PRKAA2: variants seen among roughly 807,000 people sequenced by gnomAD.
The protein encoded by PRKAA2 is 5'-AMP-activated protein kinase catalytic subunit alpha-2.
PRKAA2 carries 40 observed loss-of-function variants against 56.3 expected under a neutral mutation model. The observed-to-expected ratio is 0.71, with a 90% CI of 0.55 to 0.92. The LOEUF is 0.92. PRKAA2 is among the 40% of genes least tolerant of loss of function. The pLI, the probability that PRKAA2 is intolerant of heterozygous loss-of-function variation, is 0.00. For missense variants in PRKAA2, 542 were observed against 686.9 expected (o/e 0.79, Z 2.36); for synonymous variants, 214 against 234.2 (o/e 0.91, Z 0.79).
In PRKAA2 at chr1:56,708,019, C is replaced by G. The variant is rs796664835; in HGVS notation, c.*306C>G. 6.1e-6 allele frequency: 2 copies of G among 327,410 alleles called. No homozygotes were observed. The highest frequency in any genetic ancestry group is 7.3e-5 in the South Asian group (2 of 27,392). The allele number at this position is 327,410 out of a possible 1,614,324, so 20.3% of individuals were successfully genotyped here. A position where few individuals can be genotyped will look rare whatever the true frequency, so the allele number is the denominator to read the frequency against. On this transcript the variant is annotated 3_prime_UTR_variant, in exon 9 of 9. Coordinates refer to ENST00000371244, the MANE Select transcript of PRKAA2 (RefSeq NM_006252.4). ...ACAGACGATTAACACACCACACTGG[C>G]GAACCATCTCAATGTAAGGGTGGTT...
intron 1 of PRKAA2, among the ~76,000 whole-genome samples, chr1:56,670,450 A>G (rs1250361567): frequency 1.3e-5 from 2 of 152,192 alleles, no homozygotes; most frequent in Non-Finnish European, 2.9e-5. Flanking sequence ...TCTAGGCTTC[A>G]GGATGAAGGA....
chr1:56,690,164 CTTTTTT>C (rs35151388), intron 2 of PRKAA2, among the ~76,000 whole-genome samples: 5 of 141,256 alleles, frequency 3.5e-5, no homozygotes, highest in Non-Finnish European at 6.2e-5. Context: ...ATCATCACAT[CTTTTTT>C]TTTTTTTTTT....
rs780663398 is a variant in PRKAA2, at chr1:56,692,465, G to A, written c.438G>A (p.Leu146=). Residue 146 remains leucine, a synonymous_variant, in exon 4 of 9, where the codon CTG becomes CTA. Coordinates refer to ENST00000371244, the MANE Select transcript of PRKAA2 (RefSeq NM_006252.4). ...GAGACCTGAAACCAGAGAATGTCCT[G>A]TTGGATGCACACATGAATGCCAAGA... ...VHRDLKPENV[L]LDAHMNAKIA... 6.2e-7 allele frequency: 1 copy of A among 1,614,092 alleles called. No homozygotes were observed. Among genetic ancestry groups the A allele is most frequent in the South Asian group, 1.1e-5 (1 of 91,070 alleles).
intron 2 of PRKAA2, among the ~76,000 whole-genome samples, chr1:56,690,394 C>A (rs749598262): frequency 2.4e-4 from 37 of 152,284 alleles, no homozygotes; most frequent in Non-Finnish European, 4.3e-4. Flanking sequence ...TGGTCTCAAT[C>A]TCCTGACCTT....
intron 6 of PRKAA2, among the ~76,000 whole-genome samples, chr1:56,698,637 ATATC>A (rs1644274533): frequency 6.6e-6 from 1 of 152,136 alleles, no homozygotes; most frequent in South Asian, 2.1e-4. Flanking sequence ...CAGTTCTGTG[ATATC>A]TATCCTTTCA....
intron 2 of PRKAA2, among the ~76,000 whole-genome samples, chr1:56,678,004 C>A (rs1644126014): frequency 6.6e-6 from 1 of 152,176 alleles, no homozygotes. Flanking sequence ...TTCTTGCCTC[C>A]ATTTCTATAT....
intron 1 of PRKAA2, among the ~76,000 whole-genome samples, chr1:56,671,135 G>T (rs923610990): frequency 1.3e-5 from 2 of 152,176 alleles, no homozygotes; most frequent in African/African-American, 4.8e-5. Context: ...ATACATAGAA[G>T]AAATTCTTGA....
chr1:56,651,319 A>C (rs1643896223), intron 1 of PRKAA2, among the ~76,000 whole-genome samples: 1 of 152,226 alleles, frequency 6.6e-6, no homozygotes, highest in Admixed American at 6.5e-5. Flanking sequence ...AATTTGATTA[A>C]GTTGTTACTA....
At chr1:56,665,337 GTACTGGGAT>G (rs1214089475) in intron 1 of PRKAA2, among the ~76,000 whole-genome samples, 7 of 152,248 alleles carry the variant, frequency 4.6e-5, no homozygotes, top group Admixed American at 2.0e-4. Flanking sequence ...GCCTCCCAAA[GTACTGGGAT>G]TACAGGCTTG....
intron 1 of PRKAA2, among the ~76,000 whole-genome samples, chr1:56,657,248 G>A (rs1159777615): frequency 6.6e-6 from 1 of 152,106 alleles, no homozygotes; most frequent in African/African-American, 2.4e-5. Context: ...TCTTCAAAGG[G>A]ACAGTAATAA....
intron 2 of PRKAA2, among the ~76,000 whole-genome samples, chr1:56,689,679 C>T (rs72668319): frequency 0.029 from 4,438 of 152,042 alleles, 121 homozygotes; most frequent in East Asian, 0.12. Context: ...AGAGCATGGC[C>T]GCTGCACTCC....
In PRKAA2 at chr1:56,692,507, G is replaced by A; in HGVS notation, c.475+5G>A. The A allele has an allele frequency of 6.2e-7, 1 of 1,613,652 alleles. No individual in the cohort carries two copies. Among genetic ancestry groups the A allele is most frequent in the Non-Finnish European group, 8.5e-7 (1 of 1,179,780 alleles). ...ATGCCAAGATAGCCGATTTCGGTATGTAACTCCAGGGTTGTTCAGAAAGGT... is the reference window on the plus strand; with the variant it reads ...ATGCCAAGATAGCCGATTTCGGTATATAACTCCAGGGTTGTTCAGAAAGGT... On this transcript the variant is annotated splice_donor_5th_base_variant and intron_variant, in intron 4 of 8. Coordinates refer to ENST00000371244, the MANE Select transcript of PRKAA2 (RefSeq NM_006252.4).
Position 56,674,521 on chromosome 1 carries a change from C to A in PRKAA2, c.235C>A (p.Leu79Ile). The change falls in exon 2 of 9, where the codon CTA (leucine) becomes ATA (isoleucine). Residue 79 changes from leucine to isoleucine, a missense_variant and splice_region_variant. Transcript: ENST00000371244. Reference sequence around the variant, plus strand: ...CTTTCGTCATCCTCATATTATCAAACTGTAAGTATTTTTGTATCTAATAAT... The same window carrying A: ...CTTTCGTCATCCTCATATTATCAAAATGTAAGTATTTTTGTATCTAATAAT... ...KLFRHPHIIK[L>I]YQVISTPTDF... is the part of the protein sequence containing the mutation. The A allele has an allele frequency of 6.6e-7, 1 of 1,503,812 alleles. No individual in the cohort carries two copies. 93.2% of individuals were successfully genotyped at this position (1,503,812 alleles called of 1,614,324 possible).
intron 2 of PRKAA2, among the ~76,000 whole-genome samples, chr1:56,689,331 A>G (rs1291138169): frequency 6.6e-6 from 1 of 152,214 alleles, no homozygotes; most frequent in Non-Finnish European, 1.5e-5. Context: ...CATTTGAAAT[A>G]GTCTCAATTC....
chr1:56,698,610 A>C (rs917728312), intron 6 of PRKAA2, among the ~76,000 whole-genome samples: 1 of 152,194 alleles, frequency 6.6e-6, no homozygotes, highest in African/African-American at 2.4e-5. Flanking sequence ...CATTTATACT[A>C]TTCCAAATTG....
rs976098184 is a variant in PRKAA2, at chr1:56,714,030, A to G, written c.*6317A>G. 4 of 152,042 alleles carry G rather than the reference A, an allele frequency of 2.6e-5. No homozygotes were observed. Among genetic ancestry groups the G allele is most frequent in the Non-Finnish European group, 5.9e-5 (4 of 67,988 alleles). The allele number at this position is 152,042 out of a possible 1,614,324, so 9.4% of individuals were successfully genotyped here. A position where few individuals can be genotyped will look rare whatever the true frequency, so the allele number is the denominator to read the frequency against. On this transcript the variant is annotated 3_prime_UTR_variant, in exon 9 of 9. Transcript: ENST00000371244. ...CTGCCTGATTGAGTTCCCTTGGTCA[A>G]ACCTCTCCCTATCACTATCAGAAGT...
At chr1:56,657,718 G>A (rs1643957409) in intron 1 of PRKAA2, among the ~76,000 whole-genome samples, 1 of 152,034 alleles carries the variant, frequency 6.6e-6, no homozygotes, top group African/African-American at 2.4e-5. Context: ...CTGGGTGACA[G>A]AGCAAGACTC....
chr1:56,702,330 G>A (rs542315412), intron 6 of PRKAA2, among the ~76,000 whole-genome samples: 3 of 152,210 alleles, frequency 2.0e-5, no homozygotes, highest in South Asian at 2.1e-4. Context: ...TGATCCGCCT[G>A]CCTCGGCCTC....
In PRKAA2 at chr1:56,714,526, T is replaced by C. The variant is rs1181023350; in HGVS notation, c.*6813T>C. On this transcript the variant is annotated 3_prime_UTR_variant, in exon 9 of 9. Transcript: ENST00000371244. ...TTGTTAGGTGACATTTAATATTTCT[T>C]GAGACCTCAAGTATTCAAATATCAA... 6.6e-6 allele frequency: 1 copy of C among 152,190 alleles called. No individual in the cohort carries two copies. The highest frequency in any genetic ancestry group is 1.9e-4 in the East Asian group (1 of 5,198). 9.4% of individuals were successfully genotyped at this position (152,190 alleles called of 1,614,324 possible).
Sources: gnomAD v4.1 joint callset for allele counts (sites outside exome capture counted in the v4.1 genomes callset) on GRCh38, gnomAD v4.1.1 for gene constraint, MANE v1.5 for transcripts, NCBI Gene and HGNC (gene_info 2026-07-23, HGNC 2026-07-21) for gene names.